FMNL2: variants seen among roughly 807,000 people sequenced by gnomAD.
FMNL2 encodes formin like 2, also known as formin-like protein 2.
FMNL2 carries 51 observed loss-of-function variants against 130.2 expected under a neutral mutation model. That is an observed-to-expected ratio of 0.39 (90% CI 0.31 to 0.49). The LOEUF is 0.49. Ranked by LOEUF, FMNL2 falls within the 20% of genes least tolerant of loss-of-function variation. The pLI is 0.85. For missense variants in FMNL2, 977 were observed against 1,316.2 expected (o/e 0.74, Z 3.99); for synonymous variants, 465 against 467.1 (o/e 1.00, Z 0.06).
At chr2:152,389,915 AGC>A in intron 1 of FMNL2, 1 of 1,043,940 alleles carries the variant, frequency 9.6e-7, no homozygotes, top group Non-Finnish European at 1.5e-6. Context: ...GAGAAGGTGG[AGC>A]GGGTGGCCGG....
chr2:152,335,822 T>C, intron 1 of FMNL2, 102 bp downstream of exon 1: 1 of 812,324 alleles, frequency 1.2e-6, no homozygotes, highest in Non-Finnish European at 1.8e-6. Flanking sequence ...GGAGCGAGCC[T>C]CCATTCCCGA....
intron 10 of FMNL2, among the ~76,000 whole-genome samples, chr2:152,610,333 A>G (rs1698610264): frequency 1.3e-5 from 2 of 152,276 alleles, no homozygotes; most frequent in East Asian, 3.9e-4. Context: ...CATCAGATTC[A>G]TCCAATTTAT....
chr2:152,613,248 T>C (rs543273661), intron 11 of FMNL2, among the ~76,000 whole-genome samples: 1 of 152,372 alleles, frequency 6.6e-6, no homozygotes, highest in South Asian at 2.1e-4. Flanking sequence ...CTTTTTCTCC[T>C]ATGCTCTAAA....
At chr2:152,518,657 A>G (rs1692908001) in intron 1 of FMNL2, among the ~76,000 whole-genome samples, 1 of 152,198 alleles carries the variant, frequency 6.6e-6, no homozygotes, top group Non-Finnish European at 1.5e-5. Flanking sequence ...GCTGGAAACA[A>G]GGTACAAATC....
intron 9 of FMNL2, among the ~76,000 whole-genome samples, chr2:152,605,404 G>A (rs1310293365): frequency 6.6e-6 from 1 of 151,902 alleles, no homozygotes; most frequent in Non-Finnish European, 1.5e-5. Flanking sequence ...CTGCAGCCTC[G>A]ACCTCATGGA....
At chr2:152,488,313 G>A (rs1450422585) in intron 1 of FMNL2, among the ~76,000 whole-genome samples, 1 of 152,174 alleles carries the variant, frequency 6.6e-6, no homozygotes, top group Non-Finnish European at 1.5e-5. Context: ...GCAAGAGAGA[G>A]GTCAGACCAT....
chr2:152,400,535 G>A (rs1294552585), intron 1 of FMNL2, among the ~76,000 whole-genome samples: 2 of 152,230 alleles, frequency 1.3e-5, no homozygotes, highest in African/African-American at 2.4e-5. Flanking sequence ...TTAAATTTTA[G>A]GGGGCAGAAG....
chr2:152,364,263 T>TTTTTTTG (rs1683373611), intron 1 of FMNL2, among the ~76,000 whole-genome samples: 1 of 9,544 alleles, frequency 1.0e-4, no homozygotes, highest in Non-Finnish European at 8.6e-4. Context: ...GTTTGTGTGT[T>TTTTTTTG]TTTTTTTTTT....
At chr2:152,647,061 G>A (rs891004900) in intron 25 of FMNL2, among the ~76,000 whole-genome samples, 6 of 152,092 alleles carry the variant, frequency 3.9e-5, no homozygotes, top group East Asian at 1.9e-4. Flanking sequence ...TCTTGCTGAC[G>A]TAACATAAAA....
At chr2:152,399,330 A>T (rs1380154584) in intron 1 of FMNL2, among the ~76,000 whole-genome samples, 1 of 152,226 alleles carries the variant, frequency 6.6e-6, no homozygotes, top group Non-Finnish European at 1.5e-5. Flanking sequence ...GATGTTTGAA[A>T]TGATGGTTGA....
chr2:152,385,699 ATC>A (rs1684741149), intron 1 of FMNL2, among the ~76,000 whole-genome samples: 1 of 152,232 alleles, frequency 6.6e-6, no homozygotes, highest in Non-Finnish European at 1.5e-5. Flanking sequence ...TGCCATAGAA[ATC>A]TGTCAGTGTG....
intron 2 of FMNL2, among the ~76,000 whole-genome samples, chr2:152,524,956 C>T (rs542562649): frequency 5.3e-4 from 81 of 152,256 alleles, no homozygotes; most frequent in African/African-American, 1.9e-3. Flanking sequence ...ACATGCTTGT[C>T]CAAGAAAGCT....
At chr2:152,490,468 G>T (rs1691094011) in intron 1 of FMNL2, among the ~76,000 whole-genome samples, 1 of 151,922 alleles carries the variant, frequency 6.6e-6, no homozygotes. Flanking sequence ...GAAATCTTTG[G>T]CCTCTGAGCT....
At chr2:152,510,371 A>C (rs1692430888) in intron 1 of FMNL2, among the ~76,000 whole-genome samples, 1 of 152,144 alleles carries the variant, frequency 6.6e-6, no homozygotes, top group South Asian at 2.1e-4. Context: ...AGGGACTTGG[A>C]GTTTTGTAAG....
chr2:152,628,007 C>A (rs1479481009), intron 17 of FMNL2, among the ~76,000 whole-genome samples: 4 of 152,320 alleles, frequency 2.6e-5, no homozygotes, highest in African/African-American at 4.8e-5. Flanking sequence ...TTCATTTACT[C>A]CTGATTCCAG....
chr2:152,389,822 G>T, intron 1 of FMNL2: 1 of 1,263,676 alleles, frequency 7.9e-7, no homozygotes, highest in Non-Finnish European at 1.2e-6. Context: ...GGAGAAGAGG[G>T]GATGGCAAAG....
chr2:152,491,825 C>T (rs1002539281), intron 1 of FMNL2, among the ~76,000 whole-genome samples: 1 of 152,002 alleles, frequency 6.6e-6, no homozygotes, highest in Non-Finnish European at 1.5e-5. Flanking sequence ...GTGGCGTGCA[C>T]CTGGAATCCC....
chr2:152,390,953 G>A (rs1014081072), intron 1 of FMNL2, among the ~76,000 whole-genome samples: 16 of 152,230 alleles, frequency 1.1e-4, no homozygotes, highest in African/African-American at 3.9e-4. Context: ...ACTTATAAGA[G>A]ACAGAGGCAG....
In FMNL2 at chr2:152,619,029, G is replaced by A; in HGVS notation, c.1498G>A (p.Gly500Ser). The change falls in exon 14 of 26, where the codon GGC (glycine) becomes AGC (serine). Residue 500 changes from glycine (G) to serine (S), a missense_variant. This residue lies in a region of FMNL2 where 689 missense variants were observed against 995.9 expected (regional missense o/e 0.69). Transcript: ENST00000288670. ...DIAILPVVAS[G>S]TLSMGSEVVA... is the part of the protein sequence containing the mutation. Reference sequence around the variant, plus strand: ...CGCCATACTGCCAGTTGTGGCTTCTGGCACATTGTCCATGGGGTCAGAAGT... The same window carrying A: ...CGCCATACTGCCAGTTGTGGCTTCTAGCACATTGTCCATGGGGTCAGAAGT... 1 of 1,614,054 alleles carries A rather than the reference G, an allele frequency of 6.2e-7. No individual in the cohort carries two copies. The highest frequency in any genetic ancestry group is 1.3e-5 in the African/African-American group (1 of 75,056).
Sources: allele counts gnomAD v4.1 joint callset (sites outside exome capture counted in the v4.1 genomes callset), GRCh38; gene constraint gnomAD v4.1.1; regional missense constraint gnomAD v4.1.1; transcripts MANE v1.5; gene names NCBI Gene and HGNC (gene_info 2026-07-23, HGNC 2026-07-21).